The following PAQR7 variants were observed in gnomAD, a reference collection of about 807,000 sequenced individuals.
The protein encoded by PAQR7 is progestin and adipoQ receptor family member 7, also known as membrane progestin receptor alpha.
In PAQR7, 14 loss-of-function variants were observed where a neutral mutation model predicts 24.6. The observed-to-expected ratio is 0.57, with a 90% confidence interval of 0.38 to 0.89. The LOEUF (loss-of-function observed/expected upper bound fraction) is 0.89, where lower values mean the gene tolerates loss of function less well. PAQR7 is among the 40% of genes least tolerant of loss of function. PAQR7 has a pLI of 0.00. For synonymous variants in PAQR7, 189 were observed against 198.8 expected, an observed-to-expected ratio of 0.95 and a Z score of 0.42; for missense variants, 351 against 444.0, an observed-to-expected ratio of 0.79 and a Z score of 1.88.
At chr1:25,872,508 G>A (rs1416996167) in intron 1 of PAQR7, among the ~76,000 whole-genome samples, 1 of 133,996 alleles carries the variant, frequency 7.5e-6, no homozygotes, top group Non-Finnish European at 1.6e-5. Context: ...AACACCACAG[G>A]ATTTTTTTTT....
intron 1 of PAQR7, among the ~76,000 whole-genome samples, chr1:25,874,447 A>G (rs1018412100): frequency 1.3e-5 from 2 of 152,202 alleles, no homozygotes; most frequent in African/African-American, 4.8e-5. Flanking sequence ...TGAACGAGCT[A>G]TAGTCACCCA....
intron 1 of PAQR7, among the ~76,000 whole-genome samples, chr1:25,872,644 T>C (rs928028698): frequency 6.6e-6 from 1 of 151,740 alleles, no homozygotes; most frequent in Non-Finnish European, 1.5e-5. Context: ...TCTTGAGTAG[T>C]TGGGAATCAC....
rs775988426 is a variant in PAQR7, at chr1:25,863,758, CT to C, written c.81del (p.Glu28SerfsTer46). On this transcript the variant is annotated frameshift_variant, in exon 3 of 3. Coordinates refer to ENST00000675840, the MANE Select transcript of PAQR7 (RefSeq NM_178422.6). LOFTEE classifies it high-confidence loss of function. This position sits in a 1 kb window ranked among gnomAD's most constrained non-coding sequence, Gnocchi z 6.1. ...GCTCGATCCACCGTGAAGACAGGCT[CT>C]GGCTGCAGAGATAGCTGAGGCTCCT... ...VIQEPQLSLQ[P>X]EPVFTVDRAE... 1 of 1,613,782 alleles carries C rather than the reference CT, an allele frequency of 6.2e-7. No individual in the cohort carries two copies. The highest frequency in any genetic ancestry group is 1.1e-5 in the South Asian group (1 of 91,062).
Position 25,863,102 on chromosome 1 carries a change from G to T in PAQR7, c.738C>A (p.Val246=), listed in dbSNP as rs780129392. ...AGAAGGCAGCAGCCAGCAGAAAGAA[G>T]ACCACCTGGCACTTGTGGTAGAGAA... ...PALLYHKCQV[V]FFLLAAAFFS... is the part of the protein sequence containing the mutation. Residue 246 remains valine, a synonymous_variant, in exon 3 of 3, where the codon GTC becomes GTA. Coordinates refer to ENST00000675840, the MANE Select transcript of PAQR7 (RefSeq NM_178422.6). The surrounding 1 kb of genome is among the most constrained non-coding windows in gnomAD (Gnocchi z 6.1). The T allele has an allele frequency of 6.2e-7, 1 of 1,614,104 alleles. No individual in the cohort carries two copies. Among genetic ancestry groups the T allele is most frequent in the Non-Finnish European group, 8.5e-7 (1 of 1,180,050 alleles).
At position 25,863,065 on chromosome 1, in the gene PAQR7, T is replaced by A. The variant is rs754310680; in HGVS notation, c.775A>T (p.Met259Leu). The stretch of plus-strand genomic sequence containing the variant: ...CTGCCAGGGAACCAGCGCTCGGGCA[T>A]GAAGGTAGAGAAGAAGGCAGCAGCC... ...LLAAAFFSTF[M>L]PERWFPGSCH... The change falls in exon 3 of 3, where the codon ATG becomes TTG. Residue 259 changes from methionine to leucine, a missense_variant. Met to Leu is a conservative substitution (Grantham distance 15). Coordinates refer to ENST00000675840, the MANE Select transcript of PAQR7 (RefSeq NM_178422.6). The surrounding 1 kb of genome is among the most constrained non-coding windows in gnomAD (Gnocchi z 6.1). The A allele has an allele frequency of 2.3e-5, 37 of 1,613,800 alleles. No homozygotes were observed. Among genetic ancestry groups the A allele is most frequent in the Non-Finnish European group, 3.1e-5 (36 of 1,180,028 alleles).
In PAQR7 at chr1:25,869,051, C is replaced by T. The variant is rs558920890; in HGVS notation, c.-23+1558G>A. 1.2e-4 allele frequency among the ~76,000 whole-genome samples: 18 copies of T among 151,642 alleles called. No individual in the cohort carries two copies. The East Asian group carries it at 2.7e-3, about 23-fold the overall frequency. ...CTAAGGCAGGAGAAGGCCTTGAACC[C>T]GGGAGGCGGAGGTTGCAGTGAGCCA... On this transcript the variant is annotated intron_variant, in intron 2 of 2. Coordinates refer to ENST00000675840, the MANE Select transcript of PAQR7 (RefSeq NM_178422.6).
Position 25,863,141 on chromosome 1 carries a change from C to A in PAQR7, c.699G>T (p.Thr233=), listed in dbSNP as rs1474699213. 1 of 1,614,020 alleles carries A rather than the reference C, an allele frequency of 6.2e-7. No individual in the cohort carries two copies. The highest frequency in any genetic ancestry group is 1.7e-5 in the Admixed American group (1 of 60,004). The change falls in exon 3 of 3, where the codon ACG becomes ACT. Residue 233 remains threonine (T), a synonymous_variant. Coordinates refer to ENST00000675840, the MANE Select transcript of PAQR7 (RefSeq NM_178422.6). The surrounding 1 kb of genome is among the most constrained non-coding windows in gnomAD (Gnocchi z 6.1). Reference sequence around the variant, plus strand: ...TGTGGTAGAGAAGAGCTGGATCATCCGTGGTGGGGTCGGAGGACACGAAGA... The same window carrying A: ...TGTGGTAGAGAAGAGCTGGATCATCAGTGGTGGGGTCGGAGGACACGAAGA... ...HRIFVSSDPT[T]DDPALLYHKC... is the part of the protein sequence containing the mutation.
chr1:25,867,019 C>A (rs2782824), intron 2 of PAQR7, among the ~76,000 whole-genome samples: 1 of 151,590 alleles, frequency 6.6e-6, no homozygotes, highest in African/African-American at 2.4e-5. Flanking sequence ...GCGTGAGCCA[C>A]GGCACCCAGC....
At chr1:25,865,101 C>A (rs1287170724) in intron 2 of PAQR7, among the ~76,000 whole-genome samples, 1 of 149,592 alleles carries the variant, frequency 6.7e-6, no homozygotes, top group Admixed American at 6.7e-5. Flanking sequence ...GCCTGCAGTG[C>A]GCGCCACTGC....
rs2048640245 is a variant in PAQR7 at position 25,875,207 on chromosome 1, T to TCTGCTCCTC, written c.-109+272_-109+280dup. 6.6e-6 allele frequency among the ~76,000 whole-genome samples: 1 copy of TCTGCTCCTC among 152,120 alleles called. No individual in the cohort carries two copies. Among genetic ancestry groups the TCTGCTCCTC allele is most frequent in the South Asian group, 2.1e-4 (1 of 4,830 alleles). On this transcript the variant is annotated intron_variant, in intron 1 of 2. Transcript: ENST00000675840. This position sits in a 1 kb window ranked among gnomAD's most constrained non-coding sequence, Gnocchi z 5.4. ...CCGCATCCTCCTCAGCCGTGCTCCT[T>TCTGCTCCTC]CTGCTCCTCCCACCCTTCCCAAGAC...
intron 2 of PAQR7, among the ~76,000 whole-genome samples, chr1:25,865,069 T>C (rs2048545425): frequency 6.7e-6 from 1 of 148,166 alleles, no homozygotes; most frequent in Non-Finnish European, 1.5e-5. Flanking sequence ...GGCAGGAGAA[T>C]GGCGTGAACC....
At chr1:25,870,048 C>T (rs1189017053) in intron 2 of PAQR7, among the ~76,000 whole-genome samples, 1 of 152,152 alleles carries the variant, frequency 6.6e-6, no homozygotes, top group Non-Finnish European at 1.5e-5. Flanking sequence ...TAGTTTCCAC[C>T]TCCTGACTCC....
chr1:25,874,403 G>A (rs994845547), intron 1 of PAQR7, among the ~76,000 whole-genome samples: 1 of 152,204 alleles, frequency 6.6e-6, no homozygotes, highest in Non-Finnish European at 1.5e-5. Flanking sequence ...GCTGCTCTGA[G>A]GAGGGGGAAT....
intron 2 of PAQR7, among the ~76,000 whole-genome samples, chr1:25,865,456 C>T (rs2048549339): frequency 6.6e-6 from 1 of 150,862 alleles, no homozygotes; most frequent in South Asian, 2.1e-4. Flanking sequence ...AGGCGGATCA[C>T]CTGAGGTCGG....
At chr1:25,867,420 A>G (rs2048566409) in intron 2 of PAQR7, among the ~76,000 whole-genome samples, 1 of 152,212 alleles carries the variant, frequency 6.6e-6, no homozygotes, top group Non-Finnish European at 1.5e-5. Flanking sequence ...CCTGGCTTCA[A>G]TTACATAATT....
intron 1 of PAQR7, among the ~76,000 whole-genome samples, chr1:25,872,493 A>G (rs529430597): frequency 6.6e-6 from 1 of 150,438 alleles, no homozygotes; most frequent in African/African-American, 2.4e-5. Flanking sequence ...ATTCATACCA[A>G]TGGTAACACC....
At chr1:25,873,303 C>A (rs1233938285) in intron 1 of PAQR7, among the ~76,000 whole-genome samples, 1 of 152,222 alleles carries the variant, frequency 6.6e-6, no homozygotes, top group Non-Finnish European at 1.5e-5. Flanking sequence ...AAAACCAGCG[C>A]TCTTGCCCTT....
At position 25,862,577 on chromosome 1, in the gene PAQR7, TG is replaced by T; in HGVS notation, c.*221del. ...ACACCGTTAACTCTTTCCCTCTCCC[TG>T]GGCAAGGAGCTGGGGCAGGCCCAGG... On this transcript the variant is annotated 3_prime_UTR_variant, in exon 3 of 3. Coordinates refer to ENST00000675840, the MANE Select transcript of PAQR7 (RefSeq NM_178422.6). 1 of 564,828 alleles carries T rather than the reference TG, an allele frequency of 1.8e-6. No individual in the cohort carries two copies. The highest frequency in any genetic ancestry group is 3.1e-6 in the Non-Finnish European group (1 of 321,526). The allele number at this position is 564,828 out of a possible 1,614,324, so 35.0% of individuals were successfully genotyped here. A position where few individuals can be genotyped will look rare whatever the true frequency, so the allele number is the denominator to read the frequency against.
In PAQR7 at chr1:25,872,512, T is replaced by A. The variant is rs1339702092; in HGVS notation, c.-108-1818A>T. Among the ~76,000 whole-genome samples the A allele has an allele frequency of 1.1e-4, 5 of 45,330 alleles. No homozygotes were observed. In the Admixed American group the frequency reaches 1.8e-3, roughly 16 times the overall value. The allele number at this position is 45,330 out of a possible 152,430, so 29.7% of individuals were successfully genotyped here. On this transcript the variant is annotated intron_variant, in intron 1 of 2. Coordinates refer to ENST00000675840, the MANE Select transcript of PAQR7 (RefSeq NM_178422.6). ...ATACCAATGGTAACACCACAGGATT[T>A]TTTTTTTTTTTTTTTTTTTTTGAGA...
Sources: allele counts gnomAD v4.1 joint callset (sites outside exome capture counted in the v4.1 genomes callset), GRCh38; gene constraint gnomAD v4.1.1; non-coding constraint Gnocchi (gnomAD v3.1); transcripts MANE v1.5; gene names NCBI Gene and HGNC (gene_info 2026-07-23, HGNC 2026-07-21).